ABCA13: variants seen among roughly 807,000 people sequenced by gnomAD.
ABCA13 encodes the protein ATP-binding cassette sub-family A member 13.
A neutral mutation model predicts 478.7 loss-of-function variants in ABCA13; 476 were observed. The observed-to-expected ratio is 0.99, with a 90% CI of 0.92 to 1.07. The LOEUF (loss-of-function observed/expected upper bound fraction) is 1.07, where lower values mean the gene tolerates loss of function less well. Ranked by LOEUF, ABCA13 falls within the 50% of genes least tolerant of loss-of-function variation. The probability of loss-of-function intolerance (pLI) is 0.00; values close to 1 mark genes in which losing one functional copy is unlikely to be tolerated. For missense variants in ABCA13, 6,060 were observed against 5,910.6 expected, an observed-to-expected ratio of 1.03 and a Z score of -0.83; for synonymous variants, 2,252 against 2,158.9, an observed-to-expected ratio of 1.04 and a Z score of -1.20.
chr7:48,582,294 T>C (rs6583454), intron 56 of ABCA13, among the ~76,000 whole-genome samples: 14,284 of 152,202 alleles, frequency 0.094, 1,135 homozygotes, highest in African/African-American at 0.22. Context: ...AGATGGAATT[T>C]CTGGTGGTAT....
chr7:48,210,468 C>T (rs1338666850), intron 3 of ABCA13, among the ~76,000 whole-genome samples: 1 of 151,990 alleles, frequency 6.6e-6, no homozygotes, highest in Non-Finnish European at 1.5e-5. Context: ...GTGATGTAGG[C>T]ATTTATTGCT....
chr7:48,231,168 T>TAAAAAAAAA (rs768172808), intron 7 of ABCA13, among the ~76,000 whole-genome samples: 1 of 137,706 alleles, frequency 7.3e-6, no homozygotes, highest in African/African-American at 2.7e-5. Flanking sequence ...AACTTAAAGT[T>TAAAAAAAAA]AAAAAAAAAA....
At chr7:48,492,637 G>T (rs1366026341) in intron 48 of ABCA13, among the ~76,000 whole-genome samples, 1 of 152,192 alleles carries the variant, frequency 6.6e-6, no homozygotes, top group Non-Finnish European at 1.5e-5. Context: ...ATTAATGTCA[G>T]TGTCTCAGGA....
At chr7:48,291,998 C>T (rs913321693) in intron 20 of ABCA13, among the ~76,000 whole-genome samples, 2 of 152,116 alleles carry the variant, frequency 1.3e-5, no homozygotes, top group African/African-American at 2.4e-5. Context: ...GTCTCCAGAC[C>T]CTTTCTGTTC....
rs904739811 is a variant in ABCA13 at position 48,279,358 on chromosome 7, A to T, written c.8164A>T (p.Lys2722Ter). The stretch of plus-strand genomic sequence containing the variant: ...TCATGAAGTGATCCCTTTTTTGGAT[A>T]AAATATTATCACAAAACAGCACAGA... Reference protein sequence around the residue: ...IIHEVIPFLDKILSQNSTEIG... With the variant: ...IIHEVIPFLD Residue 2722 changes from lysine to a stop codon, truncating the protein, a stop_gained, in exon 18 of 62, where the codon AAA becomes TAA. Transcript: ENST00000435803. LOFTEE classifies it high-confidence loss of function. The T allele has an allele frequency of 1.3e-6, 2 of 1,588,798 alleles. No individual in the cohort carries two copies. The highest frequency in any genetic ancestry group is 1.8e-5 in the Admixed American group (1 of 56,226).
intron 57 of ABCA13, among the ~76,000 whole-genome samples, chr7:48,593,720 T>A (rs1279416939): frequency 6.8e-6 from 1 of 147,572 alleles, no homozygotes; most frequent in African/African-American, 2.6e-5. Context: ...AGCTTTTGTT[T>A]GGGAGCATTT....
chr7:48,284,910 A>C (rs1331088047), intron 19 of ABCA13, among the ~76,000 whole-genome samples: 1 of 152,180 alleles, frequency 6.6e-6, no homozygotes, highest in African/African-American at 2.4e-5. Flanking sequence ...CATCATATAA[A>C]GGGAACAAGA....
chr7:48,177,378 C>G (rs1305160407), intron 1 of ABCA13, among the ~76,000 whole-genome samples: 3 of 152,202 alleles, frequency 2.0e-5, no homozygotes, highest in Non-Finnish European at 4.4e-5. Flanking sequence ...TCCTTGGGGT[C>G]AGGGCATCCT....
chr7:48,479,336 C>T (rs1828513737), intron 45 of ABCA13, among the ~76,000 whole-genome samples: 1 of 152,072 alleles, frequency 6.6e-6, no homozygotes, highest in Non-Finnish European at 1.5e-5. Flanking sequence ...CTCCCAGGTT[C>T]AAGCAATTCT....
intron 19 of ABCA13, among the ~76,000 whole-genome samples, chr7:48,284,891 C>T (rs1797516675): frequency 2.0e-5 from 3 of 152,234 alleles, no homozygotes; most frequent in South Asian, 2.1e-4. Flanking sequence ...CAAATAGCCC[C>T]TCCTCTCCCA....
intron 31 of ABCA13, among the ~76,000 whole-genome samples, chr7:48,366,043 A>C (rs1288043638): frequency 1.3e-5 from 2 of 152,196 alleles, no homozygotes; most frequent in Non-Finnish European, 2.9e-5. Flanking sequence ...AACCAAAGCT[A>C]TCTTGAGGAA....
chr7:48,343,760 A>AT (rs1013279964), intron 29 of ABCA13, among the ~76,000 whole-genome samples: 3 of 151,962 alleles, frequency 2.0e-5, no homozygotes, highest in Admixed American at 2.0e-4. Flanking sequence ...CTTTATATAG[A>AT]TTTTTTAAAG....
At chr7:48,597,805 T>G (rs1790451856) in intron 58 of ABCA13, among the ~76,000 whole-genome samples, 1 of 152,222 alleles carries the variant, frequency 6.6e-6, no homozygotes. Context: ...TTTAGAATAG[T>G]TTTAGGTTCA....
chr7:48,403,342 AC>A (rs1209832342), intron 38 of ABCA13, among the ~76,000 whole-genome samples: 1 of 152,134 alleles, frequency 6.6e-6, no homozygotes, highest in Non-Finnish European at 1.5e-5. Flanking sequence ...CATACTCCAT[AC>A]CCTGTAGAGG....
intron 33 of ABCA13, among the ~76,000 whole-genome samples, chr7:48,373,995 G>A (rs974072006): frequency 1.3e-5 from 2 of 151,988 alleles, no homozygotes; most frequent in African/African-American, 2.4e-5. Context: ...GTGCTCCAGG[G>A]CATTCACTTA....
intron 47 of ABCA13, among the ~76,000 whole-genome samples, chr7:48,486,771 T>C (rs1829345572): frequency 6.6e-6 from 1 of 152,070 alleles, no homozygotes; most frequent in Non-Finnish European, 1.5e-5. Context: ...GGAATGAACA[T>C]GTGTGTGGTA....
rs756497766 is a variant in ABCA13 at position 48,273,756 on chromosome 7, T to C, written c.4090T>C (p.Tyr1364His). Reference protein sequence around the residue: ...TECILEDGFLYVNTSQRMLRI... With the variant: ...TECILEDGFLHVNTSQRMLRI... ...GTGTATTTTAGAAGATGGCTTTTTATATGTAAATACCTCACAGAGGATGTT... is the reference window on the plus strand; with the variant it reads ...GTGTATTTTAGAAGATGGCTTTTTACATGTAAATACCTCACAGAGGATGTT... Residue 1364 changes from tyrosine (Y) to histidine (H), a missense_variant, in exon 17 of 62, where the codon TAT becomes CAT. Around this residue, in one of 3 missense-constraint regions of ABCA13, gnomAD observed 4,423 missense variants for 4,309.1 expected, o/e 1.03. Transcript: ENST00000435803. 41 of 1,610,664 alleles carry C rather than the reference T, an allele frequency of 2.5e-5. No homozygotes were observed. The highest frequency in any genetic ancestry group is 1.1e-4 in the East Asian group (5 of 44,776).
At chr7:48,269,141 T>A in intron 16 of ABCA13, 47 bp downstream of exon 16, 1 of 1,083,922 alleles carries the variant, frequency 9.2e-7, no homozygotes, top group Non-Finnish European at 1.4e-6. Flanking sequence ...AATTATCATC[T>A]GAAGATAATC....
intron 38 of ABCA13, among the ~76,000 whole-genome samples, chr7:48,395,197 C>T (rs537694585): frequency 1.3e-3 from 204 of 152,238 alleles, no homozygotes; most frequent in African/African-American, 4.7e-3. Context: ...GCACCTGATA[C>T]GATGGCCGTC....
Sources: gnomAD v4.1 joint callset for allele counts (sites outside exome capture counted in the v4.1 genomes callset) on GRCh38, gnomAD v4.1.1 for gene constraint, gnomAD v4.1.1 regional missense constraint, MANE v1.5 for transcripts, NCBI Gene and HGNC (gene_info 2026-07-23, HGNC 2026-07-21) for gene names.